The following NEGR1 variants were observed in gnomAD, a reference collection of about 807,000 sequenced individuals.
NEGR1 encodes IgLON family member 4.
Under a neutral mutation model 40.9 loss-of-function variants are expected in NEGR1, and 10 were observed. That is an observed-to-expected ratio of 0.24 (90% CI 0.15 to 0.42). NEGR1 has a LOEUF of 0.42. NEGR1 is among the 10% of genes least tolerant of loss of function. The pLI is 1.00. For synonymous variants in NEGR1, 185 were observed against 166.8 expected (o/e 1.11, Z -0.84); for missense variants, 352 against 438.9 (o/e 0.80, Z 1.77).
intron 6 of NEGR1, among the ~76,000 whole-genome samples, chr1:71,557,453 G>A (rs1648289404): frequency 6.6e-6 from 1 of 151,650 alleles, no homozygotes; most frequent in South Asian, 2.1e-4. Context: ...CATGCACTTG[G>A]AGAAAATAAA....
At chr1:71,721,648 A>T (rs915177093) in intron 3 of NEGR1, among the ~76,000 whole-genome samples, 1 of 152,128 alleles carries the variant, frequency 6.6e-6, no homozygotes, top group Admixed American at 6.6e-5. Flanking sequence ...TGTTTAGAGC[A>T]TCTGTGGCAT....
At chr1:71,952,130 A>G (rs1309393855) in intron 1 of NEGR1, among the ~76,000 whole-genome samples, 1 of 151,944 alleles carries the variant, frequency 6.6e-6, no homozygotes, top group African/African-American at 2.4e-5. Context: ...AGAGCATCAC[A>G]TCTCTCAATT....
intron 2 of NEGR1, among the ~76,000 whole-genome samples, chr1:71,847,225 C>G (rs985103775): frequency 6.6e-6 from 1 of 152,128 alleles, no homozygotes; most frequent in Non-Finnish European, 1.5e-5. Flanking sequence ...ACTGTTCAGA[C>G]TGTTTATTGA....
chr1:71,894,357 T>A (rs12039773), intron 2 of NEGR1, among the ~76,000 whole-genome samples: 1 of 152,066 alleles, frequency 6.6e-6, no homozygotes, highest in East Asian at 1.9e-4. Flanking sequence ...GGGAACCACA[T>A]TGAAACAGGA....
chr1:71,974,952 T>C (rs948886319), intron 1 of NEGR1, among the ~76,000 whole-genome samples: 1 of 152,168 alleles, frequency 6.6e-6, no homozygotes, highest in Non-Finnish European at 1.5e-5. Flanking sequence ...CCTACACTAA[T>C]GTACAGTGAG....
At chr1:71,424,612 G>A (rs572928784) in intron 6 of NEGR1, among the ~76,000 whole-genome samples, 2 of 152,312 alleles carry the variant, frequency 1.3e-5, no homozygotes, top group East Asian at 3.9e-4. Flanking sequence ...TCTTGTAAAA[G>A]CAGGCAGTTT....
intron 4 of NEGR1, among the ~76,000 whole-genome samples, chr1:71,627,967 A>G (rs1476169128): frequency 1.3e-5 from 2 of 152,078 alleles, no homozygotes; most frequent in East Asian, 3.9e-4. Context: ...ACACAGACCA[A>G]GAGTCTGGAA....
At chr1:72,067,442 C>A (rs531014476) in intron 1 of NEGR1, among the ~76,000 whole-genome samples, 1 of 152,026 alleles carries the variant, frequency 6.6e-6, no homozygotes, top group African/African-American at 2.4e-5. Context: ...TAACAGTATA[C>A]CCATTTTTAA....
chr1:71,994,642 A>G (rs548292352), intron 1 of NEGR1, among the ~76,000 whole-genome samples: 1 of 152,188 alleles, frequency 6.6e-6, no homozygotes, highest in African/African-American at 2.4e-5. Context: ...ATTATTATAC[A>G]CAAGTTTGGT....
At chr1:72,152,299 T>G (rs1343868865) in intron 1 of NEGR1, among the ~76,000 whole-genome samples, 3 of 151,886 alleles carry the variant, frequency 2.0e-5, no homozygotes, top group Non-Finnish European at 4.4e-5. Context: ...TTTCAAACAC[T>G]TGTAATTAAA....
intron 1 of NEGR1, among the ~76,000 whole-genome samples, chr1:72,012,842 C>CATATATATATATATATATATAT (rs375131531): frequency 2.9e-5 from 4 of 140,172 alleles, no homozygotes; most frequent in South Asian, 2.2e-4. Context: ...TATATACATA[C>CATATATATATATATATATATAT]ATATATATAT....
intron 3 of NEGR1, among the ~76,000 whole-genome samples, chr1:71,702,979 A>C (rs1158684056): frequency 6.6e-6 from 1 of 152,082 alleles, no homozygotes; most frequent in Non-Finnish European, 1.5e-5. Context: ...AAAGAGAAGG[A>C]GCTCATATAG....
chr1:71,461,698 C>G (rs926386051), intron 6 of NEGR1: 1 of 152,130 alleles, frequency 6.6e-6, no homozygotes, highest in South Asian at 2.1e-4. Flanking sequence ...TGGAAAGAGG[C>G]AATCTACATT....
chr1:71,772,113 A>C (rs1656350599), intron 3 of NEGR1, among the ~76,000 whole-genome samples: 1 of 152,212 alleles, frequency 6.6e-6, no homozygotes, highest in South Asian at 2.1e-4. Flanking sequence ...CGATTCCCTG[A>C]GAAGGATACA....
chr1:71,999,307 T>A (rs1646533800), intron 1 of NEGR1, among the ~76,000 whole-genome samples: 1 of 151,876 alleles, frequency 6.6e-6, no homozygotes, highest in Admixed American at 6.6e-5. Flanking sequence ...GACTCAACCC[T>A]TTCATGTTTA....
chr1:71,422,876 G>A (rs1223407986), intron 6 of NEGR1: 2 of 150,894 alleles, frequency 1.3e-5, no homozygotes, highest in African/African-American at 2.5e-5. Context: ...TCTTTATATT[G>A]AACATTTTGA....
At chr1:71,552,547 T>C (rs1018672540) in intron 6 of NEGR1, among the ~76,000 whole-genome samples, 7 of 148,008 alleles carry the variant, frequency 4.7e-5, no homozygotes, top group Non-Finnish European at 1.0e-4. Flanking sequence ...GGATATAGTC[T>C]ATATATAGGA....
intron 1 of NEGR1, among the ~76,000 whole-genome samples, chr1:72,161,019 G>T (rs1440971033): frequency 6.6e-6 from 1 of 152,100 alleles, no homozygotes; most frequent in African/African-American, 2.4e-5. Flanking sequence ...CAATTAGGTG[G>T]ATTCTTTAAT....
rs531310220 is a variant in NEGR1 at position 71,695,432 on chromosome 1, G to A, written c.667+2576C>T. 5.9e-5 allele frequency among the ~76,000 whole-genome samples: 9 copies of A among 151,756 alleles called. No individual in the cohort carries two copies. The South Asian group carries it at 1.5e-3, about 24-fold the overall frequency. On this transcript the variant is annotated intron_variant, in intron 4 of 6. Transcript: ENST00000357731. ...TGCAGCAATATGTCGACTTATAACTGTACTTATCTACCTGAAATTTATTGT... is the reference window on the plus strand; with the variant it reads ...TGCAGCAATATGTCGACTTATAACTATACTTATCTACCTGAAATTTATTGT...
Sources: allele counts gnomAD v4.1 joint callset (sites outside exome capture counted in the v4.1 genomes callset), GRCh38; gene constraint gnomAD v4.1.1; transcripts MANE v1.5; gene names NCBI Gene and HGNC (gene_info 2026-07-23, HGNC 2026-07-21).